LRRN2: variants seen among roughly 807,000 people sequenced by gnomAD.
The protein encoded by LRRN2 is leucine rich repeat neuronal 2.
In LRRN2, 10 loss-of-function variants were observed where a neutral mutation model predicts 35.7. That is an observed-to-expected ratio of 0.28 (90% CI 0.17 to 0.47). LRRN2 has a LOEUF of 0.47. Ranked by LOEUF, LRRN2 falls within the 20% of genes least tolerant of loss-of-function variation. The pLI is 0.99. For synonymous variants in LRRN2, 391 were observed against 409.6 expected (o/e 0.95, Z 0.55); for missense variants, 731 against 940.3 (o/e 0.78, Z 2.91).
rs577339570 is a variant in LRRN2 at position 204,628,457 on chromosome 1, A to T, written c.-226-8239T>A. Reference sequence around the variant, plus strand: ...CAAGATGGAGACAGACCTGCCTCATAGCGAGGGGGAATCTGAAAAAGATGT... The same window carrying T: ...CAAGATGGAGACAGACCTGCCTCATTGCGAGGGGGAATCTGAAAAAGATGT... On this transcript the variant is annotated intron_variant, in intron 1 of 1. Coordinates refer to ENST00000367177, the MANE Select transcript of LRRN2 (RefSeq NM_201630.2). The T allele has an allele frequency of 2.0e-5, 3 of 152,366 alleles. No individual in the cohort carries two copies. The East Asian group carries it at 5.8e-4, about 29-fold the overall frequency. 9.4% of individuals were successfully genotyped at this position (152,366 alleles called of 1,614,324 possible).
chr1:204,679,882 A>G (rs1198819959), intron 1 of LRRN2, among the ~76,000 whole-genome samples: 1 of 152,252 alleles, frequency 6.6e-6, no homozygotes, highest in African/African-American at 2.4e-5. Flanking sequence ...GCAGGAGGAA[A>G]AAAAAGGTCA....
chr1:204,658,483 C>G (rs1227821243), intron 1 of LRRN2, among the ~76,000 whole-genome samples: 1 of 152,218 alleles, frequency 6.6e-6, no homozygotes, highest in African/African-American at 2.4e-5. Context: ...TACTTGTACC[C>G]ATATCCCCAA....
chr1:204,671,631 G>T (rs1445446722), intron 1 of LRRN2, among the ~76,000 whole-genome samples: 1 of 105,230 alleles, frequency 9.5e-6, no homozygotes. Flanking sequence ...GCAGAGGAAG[G>T]TAATTGATGG....
At chr1:204,656,221 TTC>T (rs1668352896) in intron 1 of LRRN2, among the ~76,000 whole-genome samples, 1 of 152,232 alleles carries the variant, frequency 6.6e-6, no homozygotes, top group Admixed American at 6.5e-5. Context: ...CCTCTATTCT[TTC>T]TTTGTCTCTT....
rs749741904 is a variant in LRRN2, at chr1:204,619,858, C to T, written c.135G>A (p.Ser45=). 12 of 1,613,582 alleles carry T rather than the reference C, an allele frequency of 7.4e-6. No individual in the cohort carries two copies. The highest frequency in any genetic ancestry group is 4.4e-5 in the South Asian group (4 of 91,012). The change falls in exon 2 of 2, where the codon TCG becomes TCA. Residue 45 remains serine, a synonymous_variant. Coordinates refer to ENST00000367177, the MANE Select transcript of LRRN2 (RefSeq NM_201630.2). The stretch of plus-strand genomic sequence containing the variant: ...CCACAGTGGTAGCCTCGCGGTAGGA[C>T]GAGCGGGGCGTATACCAGGGCCGGA... The part of the protein sequence containing the change: ...CQIRPWYTPR[S]SYREATTVDC...
At chr1:204,624,760 C>CG (rs1157076706) in intron 1 of LRRN2, among the ~76,000 whole-genome samples, 1 of 140,058 alleles carries the variant, frequency 7.1e-6, no homozygotes, top group Non-Finnish European at 1.6e-5. Context: ...CCCCCACCCC[C>CG]CCCCCCGGGA....
At chr1:204,659,609 G>GGTGTGTGTGTGT (rs113175099) in intron 1 of LRRN2, among the ~76,000 whole-genome samples, 2 of 148,068 alleles carry the variant, frequency 1.4e-5, no homozygotes, top group African/African-American at 5.0e-5. Flanking sequence ...TCTACCTTCA[G>GGTGTGTGTGTGT]GTGTGTGTGT....
chr1:204,655,780 A>G (rs915108220), intron 1 of LRRN2, among the ~76,000 whole-genome samples: 7 of 152,214 alleles, frequency 4.6e-5, no homozygotes, highest in Non-Finnish European at 1.0e-4. Context: ...ACTCACAAAT[A>G]TGACTGTGGC....
chr1:204,653,843 C>G (rs374477048), intron 1 of LRRN2, among the ~76,000 whole-genome samples: 3 of 139,382 alleles, frequency 2.2e-5, no homozygotes, highest in African/African-American at 8.1e-5. Context: ...GCCTGGGCAA[C>G]AGAGTGAGAC....
In LRRN2 at chr1:204,618,645, C is replaced by T. The variant is rs762590445; in HGVS notation, c.1348G>A (p.Glu450Lys). 4.3e-6 allele frequency: 7 copies of T among 1,610,088 alleles called. No individual in the cohort carries two copies. Among genetic ancestry groups the T allele is most frequent in the East Asian group, 2.2e-5 (1 of 44,878 alleles). ...SMVLHCRALA[E>K]PEPEIYWVTP... ...ACCCAGTAGATCTCGGGTTCGGGTT[C>T]GGCCAGTGCCCGGCAATGCAGCACC... is the stretch of plus-strand genomic sequence containing the variant. The change falls in exon 2 of 2, where the codon GAA becomes AAA. Residue 450 changes from glutamate (E) to lysine (K), a missense_variant. Glu to Lys is a moderately conservative substitution (Grantham distance 56, BLOSUM62 1). Around this residue, in one of 3 missense-constraint regions of LRRN2, gnomAD observed 256 missense variants for 392.4 expected, o/e 0.65. Transcript: ENST00000367177.
At position 204,672,294 on chromosome 1, in the gene LRRN2, C is replaced by T. The variant is rs111231505; in HGVS notation, c.-227+13026G>A. ...AGGGCACTAATACGCTATGTGATCT[C>T]AAGTCCTTCCCCCTCCCCATTGCTT... On this transcript the variant is annotated intron_variant, in intron 1 of 1. Coordinates refer to ENST00000367177, the MANE Select transcript of LRRN2 (RefSeq NM_201630.2). 6.4e-3 allele frequency among the ~76,000 whole-genome samples: 975 copies of T among 152,280 alleles called. 6 individuals carry two copies. The highest frequency in any genetic ancestry group is 9.8e-3 in the Non-Finnish European group (669 of 68,018).
intron 1 of LRRN2, among the ~76,000 whole-genome samples, chr1:204,656,520 C>T (rs1445658075): frequency 6.6e-6 from 1 of 152,146 alleles, no homozygotes; most frequent in Non-Finnish European, 1.5e-5. Context: ...TAGAGTACAT[C>T]TTTTTTGAGT....
rs557068009 is a variant in LRRN2 at position 204,654,328 on chromosome 1, G to A, written c.-227+30992C>T. The stretch of plus-strand genomic sequence containing the variant: ...TCAAAGCTGTTCACTGAAGATTTAT[G>A]GGTTTGAATACTGTAGACAAGTTTA... On this transcript the variant is annotated intron_variant, in intron 1 of 1. Transcript: ENST00000367177. Among the ~76,000 whole-genome samples, 7 of 152,318 alleles carry A rather than the reference G, an allele frequency of 4.6e-5. 1 individual carries two copies. The South Asian group carries it at 1.5e-3, about 32-fold the overall frequency.
chr1:204,665,605 G>A (rs1429240304), intron 1 of LRRN2, among the ~76,000 whole-genome samples: 1 of 152,174 alleles, frequency 6.6e-6, no homozygotes, highest in African/African-American at 2.4e-5. Flanking sequence ...CTCTGTGAAA[G>A]GCCCACCCTG....
chr1:204,633,554 T>A (rs1667760293), intron 1 of LRRN2, among the ~76,000 whole-genome samples: 1 of 152,212 alleles, frequency 6.6e-6, no homozygotes, highest in South Asian at 2.1e-4. Context: ...TTGGGCTAGG[T>A]GCCTCACCAG....
chr1:204,675,023 CA>C (rs1340017116), intron 1 of LRRN2, among the ~76,000 whole-genome samples: 3 of 152,208 alleles, frequency 2.0e-5, no homozygotes, highest in East Asian at 3.8e-4. Context: ...GGATTTCTGA[CA>C]AAACAGGAGT....
chr1:204,675,455 T>C (rs1668804363), intron 1 of LRRN2, among the ~76,000 whole-genome samples: 2 of 152,234 alleles, frequency 1.3e-5, no homozygotes, highest in South Asian at 4.1e-4. Flanking sequence ...TTTCCTGGAC[T>C]TTCCCAGCTT....
At chr1:204,638,967 T>C (rs1269888239) in intron 1 of LRRN2, among the ~76,000 whole-genome samples, 1 of 152,220 alleles carries the variant, frequency 6.6e-6, no homozygotes, top group Non-Finnish European at 1.5e-5. Context: ...TGCCCTGAGA[T>C]GGCCATCGCC....
At chr1:204,674,529 G>A (rs1220954239) in intron 1 of LRRN2, among the ~76,000 whole-genome samples, 2 of 152,194 alleles carry the variant, frequency 1.3e-5, no homozygotes, top group Non-Finnish European at 2.9e-5. Flanking sequence ...CACTACTGGG[G>A]CACTGATTTT....
Sources: allele counts gnomAD v4.1 joint callset (sites outside exome capture counted in the v4.1 genomes callset), GRCh38; gene constraint gnomAD v4.1.1; regional missense constraint gnomAD v4.1.1; transcripts MANE v1.5; gene names NCBI Gene and HGNC (gene_info 2026-07-23, HGNC 2026-07-21).